Variants in LRIG1 observed in about 807,000 individuals in gnomAD.
LRIG1 encodes leucine rich repeats and immunoglobulin like domains 1.
A neutral mutation model predicts 99.2 loss-of-function variants in LRIG1; 48 were observed. That is an observed-to-expected ratio of 0.48 (90% CI 0.38 to 0.62). The LOEUF is 0.62. Ranked by LOEUF, LRIG1 falls within the 20% of genes least tolerant of loss-of-function variation. The pLI is 0.00. For synonymous variants in LRIG1, 772 were observed against 596.1 expected (o/e 1.29, Z -4.30); for missense variants, 1,646 against 1,434.4 (o/e 1.15, Z -2.38).
At chr3:66,385,086 TC>T (rs1364905050) in intron 13 of LRIG1, among the ~76,000 whole-genome samples, 1 of 152,196 alleles carries the variant, frequency 6.6e-6, no homozygotes. Flanking sequence ...GAGTTAGTAA[TC>T]AGGATAACCC....
At chr3:66,409,999 G>T in intron 7 of LRIG1, 130 bp downstream of exon 7, 1 of 948,656 alleles carries the variant, frequency 1.1e-6, no homozygotes, top group Non-Finnish European at 1.6e-6. Flanking sequence ...GCTGGTTTGG[G>T]AACAGGGCTA....
chr3:66,434,183 A>G (rs1045159284), intron 3 of LRIG1, among the ~76,000 whole-genome samples: 13 of 152,240 alleles, frequency 8.5e-5, no homozygotes, highest in African/African-American at 2.9e-4. Context: ...TACAAATCAC[A>G]TATCTAACAA....
intron 16 of LRIG1, among the ~76,000 whole-genome samples, chr3:66,381,872 A>G (rs1167451870): frequency 6.6e-6 from 1 of 152,078 alleles, no homozygotes; most frequent in Non-Finnish European, 1.5e-5. Flanking sequence ...AAGTGCTCAG[A>G]GGCCCCCACC....
At chr3:66,452,368 G>A (rs779693067) in intron 2 of LRIG1, among the ~76,000 whole-genome samples, 4 of 152,132 alleles carry the variant, frequency 2.6e-5, no homozygotes, top group African/African-American at 4.8e-5. Flanking sequence ...ACCAAAGCAC[G>A]GCTCGCCTGG....
At chr3:66,413,886 C>A (rs756174324) in intron 5 of LRIG1, among the ~76,000 whole-genome samples, 39 of 151,786 alleles carry the variant, frequency 2.6e-4, no homozygotes, top group Non-Finnish European at 4.7e-4. Context: ...TGGCCCTCGA[C>A]AATTATTTTG....
intron 6 of LRIG1, among the ~76,000 whole-genome samples, chr3:66,411,003 G>A (rs530177395): frequency 7.9e-5 from 12 of 152,326 alleles, no homozygotes; most frequent in Admixed American, 7.8e-4. Context: ...CAGCTTGCTG[G>A]CTGAATAAAC....
Position 66,386,048 on chromosome 3 carries a change from G to A in LRIG1, c.1722C>T (p.Arg574=). 1 of 1,614,216 alleles carries A rather than the reference G, an allele frequency of 6.2e-7. No homozygotes were observed. Among genetic ancestry groups the A allele is most frequent in the South Asian group, 1.1e-5 (1 of 91,090 alleles). ...AGTGGTTGGTGATGACACATTGGTA[G>A]CGGCCCTCGTGCCCGAAAGTGACCT... is the stretch of plus-strand genomic sequence containing the variant. ...LRQVTFGHEG[R]YQCVITNHFG... is the part of the protein sequence containing the mutation. The change falls in exon 13 of 19, where the codon CGC becomes CGT. Residue 574 remains arginine (R), a synonymous_variant. Transcript: ENST00000273261.
chr3:66,497,881 A>G (rs1010328033), intron 1 of LRIG1, among the ~76,000 whole-genome samples: 1 of 152,282 alleles, frequency 6.6e-6, no homozygotes, highest in African/African-American at 2.4e-5. Context: ...TGGTGAAACT[A>G]CAAGATATTT....
At chr3:66,432,089 C>G (rs1703190846) in intron 3 of LRIG1, among the ~76,000 whole-genome samples, 2 of 152,170 alleles carry the variant, frequency 1.3e-5, no homozygotes, top group South Asian at 4.1e-4. Context: ...AAGTGCAGAG[C>G]AGACTAAGAA....
At chr3:66,494,744 GAC>G (rs965005355) in intron 1 of LRIG1, among the ~76,000 whole-genome samples, 1 of 152,154 alleles carries the variant, frequency 6.6e-6, no homozygotes, top group African/African-American at 2.4e-5. Context: ...ACAAAAAAGA[GAC>G]ACAAATTGCC....
In LRIG1 at chr3:66,439,011, A is replaced by C. The variant is rs186610486; in HGVS notation, c.365+12548T>G. 9.5e-4 allele frequency among the ~76,000 whole-genome samples: 144 copies of C among 152,354 alleles called. 3 individuals carry two copies. The highest frequency in any genetic ancestry group is 8.7e-3 in the Admixed American group (133 of 15,302). On this transcript the variant is annotated intron_variant, in intron 3 of 18. Coordinates refer to ENST00000273261, the MANE Select transcript of LRIG1 (RefSeq NM_015541.3). ...AAGTGAAGACAGGCACTGGGCTCTTACTTGGAACCAAATAGTTGCTATAGC... is the reference window on the plus strand; with the variant it reads ...AAGTGAAGACAGGCACTGGGCTCTTCCTTGGAACCAAATAGTTGCTATAGC...
At chr3:66,416,338 C>T (rs1255345993) in intron 4 of LRIG1, among the ~76,000 whole-genome samples, 1 of 152,094 alleles carries the variant, frequency 6.6e-6, no homozygotes, top group Non-Finnish European at 1.5e-5. Flanking sequence ...CAAACCTCAC[C>T]CTCCCTGAAA....
chr3:66,499,818 T>C (rs1004076739), intron 1 of LRIG1, among the ~76,000 whole-genome samples: 4 of 150,800 alleles, frequency 2.7e-5, no homozygotes, highest in African/African-American at 9.8e-5. Context: ...CTTCACACTC[T>C]TCTCCAGACG....
intron 9 of LRIG1, among the ~76,000 whole-genome samples, chr3:66,403,915 C>T (rs1307449127): frequency 6.6e-6 from 1 of 152,208 alleles, no homozygotes; most frequent in East Asian, 1.9e-4. Flanking sequence ...AGGCCTGGAG[C>T]TCTTCTTGCT....
intron 1 of LRIG1, among the ~76,000 whole-genome samples, chr3:66,491,693 C>G (rs1464569562): frequency 6.6e-6 from 1 of 152,008 alleles, no homozygotes; most frequent in East Asian, 1.9e-4. Flanking sequence ...AAAACCTATA[C>G]ATTTGCAGAT....
In LRIG1 at chr3:66,379,265, A is replaced by C. The variant is rs1041489564; in HGVS notation, c.*998T>G. 4 of 152,642 alleles carry C rather than the reference A, an allele frequency of 2.6e-5. No homozygotes were observed. The highest frequency in any genetic ancestry group is 2.6e-4 in the Admixed American group (4 of 15,292). The allele number at this position is 152,642 out of a possible 1,614,324, so 9.5% of individuals were successfully genotyped here. On this transcript the variant is annotated 3_prime_UTR_variant, in exon 19 of 19. Transcript: ENST00000273261. ...CAGCTCAGTTTCATCTGTGCGAAGG[A>C]ATGGCATGGACAGGCCTGCTCTGGG...
In LRIG1 at chr3:66,455,371, C is replaced by T. The variant is rs568911279; in HGVS notation, c.291-3738G>A. 9.8e-5 allele frequency among the ~76,000 whole-genome samples: 15 copies of T among 152,334 alleles called. 1 individual carries two copies. Among genetic ancestry groups the T allele is most frequent in the African/African-American group, 3.4e-4 (14 of 41,578 alleles). On this transcript the variant is annotated intron_variant, in intron 2 of 18. Transcript: ENST00000273261. Reference sequence around the variant, plus strand: ...CTTTGCAGTTCCATCCTCTGGTCTGCCTCCAAAGGGCAGCTCCTGCTGCTG... The same window carrying T: ...CTTTGCAGTTCCATCCTCTGGTCTGTCTCCAAAGGGCAGCTCCTGCTGCTG...
intron 1 of LRIG1, among the ~76,000 whole-genome samples, chr3:66,463,390 G>A (rs1700400978): frequency 6.6e-6 from 1 of 152,188 alleles, no homozygotes; most frequent in Admixed American, 6.5e-5. Context: ...GGCAGGGAAA[G>A]CCTCACATGA....
intron 2 of LRIG1, among the ~76,000 whole-genome samples, chr3:66,454,120 G>C (rs1292285461): frequency 6.6e-6 from 1 of 152,180 alleles, no homozygotes; most frequent in Non-Finnish European, 1.5e-5. Flanking sequence ...GACTTACAGG[G>C]AGGACACTCA....
Sources: gnomAD v4.1 joint callset for allele counts (sites outside exome capture counted in the v4.1 genomes callset) on GRCh38, gnomAD v4.1.1 for gene constraint, MANE v1.5 for transcripts, NCBI Gene and HGNC (gene_info 2026-07-23, HGNC 2026-07-21) for gene names.